Variants in ZMIZ2 observed in about 807,000 individuals in gnomAD.
ZMIZ2 encodes zinc finger MIZ domain-containing protein 2.
A neutral mutation model predicts 93.9 loss-of-function variants in ZMIZ2; 26 were observed. The observed-to-expected ratio is 0.28, with a 90% CI of 0.20 to 0.38. The LOEUF is 0.38. Ranked by LOEUF, ZMIZ2 falls within the 10% of genes least tolerant of loss-of-function variation. The probability of loss-of-function intolerance (pLI) is 1.00; values close to 1 mark genes in which losing one functional copy is unlikely to be tolerated. For synonymous variants in ZMIZ2, 485 were observed against 516.4 expected (o/e 0.94, Z 0.82); for missense variants, 1,023 against 1,235.0 (o/e 0.83, Z 2.57).
Position 44,757,486 on chromosome 7 carries a change from T to TGCCACC in ZMIZ2, c.483_488dup (p.Ala166_Thr167dup), listed in dbSNP as rs1562728888. On this transcript the variant is annotated inframe_insertion, in exon 5 of 19. Coordinates refer to ENST00000309315, the MANE Select transcript of ZMIZ2 (RefSeq NM_031449.4). ...CAGCTGTGGCTGCTGCGGCAGCCACTGCCACCGCCACAGCCACAGCCACCG... is the reference window on the plus strand; with the variant it reads ...CAGCTGTGGCTGCTGCGGCAGCCACTGCCACCGCCACCGCCACAGCCACAGCCACCG... 5.6e-6 allele frequency: 9 copies of TGCCACC among 1,601,210 alleles called. No homozygotes were observed. In the East Asian group the frequency reaches 6.7e-5, roughly 12 times the overall value.
At chr7:44,764,884 G>T in intron 14 of ZMIZ2, 57 bp from the exon 15 acceptor site, 19 of 1,586,448 alleles carry the variant, frequency 1.2e-5, no homozygotes, top group Non-Finnish European at 1.5e-5. Flanking sequence ...GACAGGGCCT[G>T]TGCCCAGGAC....
chr7:44,761,611 C>T lies in ZMIZ2; in HGVS notation c.1385+18C>T, dbSNP rs778931115. ...ATAATGAGGTGAGCTCCGCCTGGCC[C>T]CCACCTGACCCCCACGAGGCTCTGT... On this transcript the variant is annotated intron_variant, in intron 10 of 18. Transcript: ENST00000309315. The surrounding 1 kb of genome is among the most constrained non-coding windows in gnomAD (Gnocchi z 5.8). 3 of 1,613,652 alleles carry T rather than the reference C, an allele frequency of 1.9e-6. No individual in the cohort carries two copies. The highest frequency in any genetic ancestry group is 2.5e-6 in the Non-Finnish European group (3 of 1,179,836).
Position 44,766,885 on chromosome 7 carries a change from G to A in ZMIZ2, c.2655+222G>A, listed in dbSNP as rs1023369287. 3.4e-4 allele frequency among the ~76,000 whole-genome samples: 52 copies of A among 152,264 alleles called. No individual in the cohort carries two copies. Among genetic ancestry groups the A allele is most frequent in the South Asian group, 4.1e-4 (2 of 4,830 alleles). On this transcript the variant is annotated intron_variant, in intron 18 of 18. Coordinates refer to ENST00000309315, the MANE Select transcript of ZMIZ2 (RefSeq NM_031449.4). This position sits in a 1 kb window ranked among gnomAD's most constrained non-coding sequence, Gnocchi z 4.4. ...TTCATGAGGGGCCTGGATGCCGTAC[G>A]GGCGGACGCAGAGTCTCAGAGGAGA...
At chr7:44,759,917 T>G in intron 7 of ZMIZ2, 1 of 553,124 alleles carries the variant, frequency 1.8e-6, no homozygotes, top group Non-Finnish European at 3.2e-6. Context: ...TGGTGCAGCT[T>G]GGGGGAGGAG....
intron 11 of ZMIZ2, 63 bp from the exon 12 acceptor site, chr7:44,762,818 T>G: frequency 7.7e-7 from 1 of 1,305,890 alleles, no homozygotes; most frequent in Non-Finnish European, 1.0e-6. Flanking sequence ...AGCACACCCT[T>G]TACCTGGCCA....
rs1791555884 is a variant in ZMIZ2 at position 44,764,970 on chromosome 7, T to C, written c.1958T>C (p.Val653Ala). The C allele has an allele frequency of 6.2e-7, 1 of 1,614,172 alleles. No individual in the cohort carries two copies. Among genetic ancestry groups the C allele is most frequent in the Non-Finnish European group, 8.5e-7 (1 of 1,180,018 alleles). ...ACAGCTTTGCTGGAGGGCCTGGAGG[T>C]GGACCAGTACATGCTGGGCATCCTG... ...NKTALLEGLE[V>A]DQYMLGILIY... Residue 653 changes from valine to alanine, a missense_variant, in exon 15 of 19, where the codon GTG (valine) becomes GCG (alanine). Around this residue, in one of 3 missense-constraint regions of ZMIZ2, gnomAD observed 319 missense variants for 358.8 expected, o/e 0.89. Coordinates refer to ENST00000309315, the MANE Select transcript of ZMIZ2 (RefSeq NM_031449.4).
At position 44,766,527 on chromosome 7, in the gene ZMIZ2, C is replaced by T; in HGVS notation, c.2519C>T (p.Pro840Leu). ...PPGPQLHHSNPPPASRQSLGQ... is the reference protein window; with the variant it reads ...PPGPQLHHSNLPPASRQSLGQ... Reference sequence around the variant, plus strand: ...GGTCCCCAGCTGCACCATTCAAACCCTCCCCCAGCGTCCCGGCAGTCCTTG... The same window carrying T: ...GGTCCCCAGCTGCACCATTCAAACCTTCCCCCAGCGTCCCGGCAGTCCTTG... Residue 840 changes from proline (P) to leucine (L), a missense_variant, in exon 18 of 19, where the codon CCT becomes CTT. Physicochemically the swap from Pro to Leu is moderately conservative, Grantham distance 98. This residue lies in a region of ZMIZ2 where 319 missense variants were observed against 358.8 expected (regional missense o/e 0.89). Transcript: ENST00000309315. The surrounding 1 kb of genome is among the most constrained non-coding windows in gnomAD (Gnocchi z 4.4). 1 of 1,614,142 alleles carries T rather than the reference C, an allele frequency of 6.2e-7. No homozygotes were observed. The highest frequency in any genetic ancestry group is 1.3e-5 in the African/African-American group (1 of 75,072).
intron 5 of ZMIZ2, 83 bp downstream of exon 5, chr7:44,757,644 G>A (rs1344035090): frequency 1.3e-6 from 2 of 1,491,302 alleles, no homozygotes; most frequent in East Asian, 2.3e-5. Context: ...GTGGGCTCCA[G>A]GGACAAGCAT....
At position 44,765,211 on chromosome 7, in the gene ZMIZ2, C is replaced by G; in HGVS notation, c.1998-124C>G. The G allele has an allele frequency of 1.9e-6, 3 of 1,539,244 alleles. No individual in the cohort carries two copies. The highest frequency in any genetic ancestry group is 1.8e-5 in the Admixed American group (1 of 56,750). On this transcript the variant is annotated intron_variant, in intron 15 of 18. Transcript: ENST00000309315. The surrounding 1 kb of genome is among the most constrained non-coding windows in gnomAD (Gnocchi z 4.1). ...AGCGTCCTGCTCGATGTGGAAGGTG[C>G]TGGGTGGAAGCAAGCATTTGAGTGG...
At chr7:44,751,626 T>C (rs938033093) in intron 1 of ZMIZ2, among the ~76,000 whole-genome samples, 1 of 152,374 alleles carries the variant, frequency 6.6e-6, no homozygotes, top group East Asian at 1.9e-4. Context: ...GACAGAAGGC[T>C]GGTGGTAGCA....
intron 1 of ZMIZ2, among the ~76,000 whole-genome samples, chr7:44,752,254 A>T (rs1790220325): frequency 6.6e-6 from 1 of 151,682 alleles, no homozygotes; most frequent in Admixed American, 6.6e-5. Context: ...CAGCCTCCTG[A>T]GTAGCTGGGA....
In ZMIZ2 at chr7:44,767,822, CG is replaced by C. The variant is rs780734415; in HGVS notation, c.*201del. 4 of 604,748 alleles carry C rather than the reference CG, an allele frequency of 6.6e-6. No individual in the cohort carries two copies. Among genetic ancestry groups the C allele is most frequent in the Non-Finnish European group, 1.2e-5 (4 of 341,344 alleles). The allele number at this position is 604,748 out of a possible 1,614,324, so 37.5% of individuals were successfully genotyped here. A position where few individuals can be genotyped will look rare whatever the true frequency, so the allele number is the denominator to read the frequency against. ...TGCTCGATGGGAGGGGCTCCCAGGCCGGCAGCCCTTGCCACCTCCCTCTGCC... is the reference window on the plus strand; with the variant it reads ...TGCTCGATGGGAGGGGCTCCCAGGCCGCAGCCCTTGCCACCTCCCTCTGCC... On this transcript the variant is annotated 3_prime_UTR_variant, in exon 19 of 19. Coordinates refer to ENST00000309315, the MANE Select transcript of ZMIZ2 (RefSeq NM_031449.4).
At chr7:44,759,255 C>T in intron 6 of ZMIZ2, 26 bp from the exon 7 acceptor site, 2 of 1,470,554 alleles carry the variant, frequency 1.4e-6, no homozygotes, top group East Asian at 5.3e-5. Context: ...TTTTTTCTCC[C>T]CTCGGGCATT....
Position 44,765,542 on chromosome 7 carries a change from C to T in ZMIZ2, c.2205C>T (p.Pro735=). ...CTGCCCCCTTTGCCCCCCTGCAGCC[C>T]CCCTCAGTCCCTGCCCCCAGCGACT... ...PGAAPFAPLQ[P]PSVPAPSDYP... The change falls in exon 16 of 19, where the codon CCC becomes CCT. Residue 735 remains proline (P), a synonymous_variant. Transcript: ENST00000309315. The surrounding 1 kb of genome is among the most constrained non-coding windows in gnomAD (Gnocchi z 4.1). The T allele has an allele frequency of 1.4e-6, 2 of 1,396,696 alleles. No individual in the cohort carries two copies. Among genetic ancestry groups the T allele is most frequent in the Non-Finnish European group, 1.9e-6 (2 of 1,050,158 alleles). The allele number at this position is 1,396,696 out of a possible 1,614,324, so 86.5% of individuals were successfully genotyped here. A position where few individuals can be genotyped will look rare whatever the true frequency, so the allele number is the denominator to read the frequency against.
Position 44,765,722 on chromosome 7 carries a change from G to A in ZMIZ2, c.2242+143G>A, listed in dbSNP as rs1180531843. On this transcript the variant is annotated intron_variant, in intron 16 of 18. Transcript: ENST00000309315. The surrounding 1 kb of genome is among the most constrained non-coding windows in gnomAD (Gnocchi z 4.1). ...AGTGTTGCCACACAAAACATGCCGC[G>A]GGGCACCTCCAGCCCCTCCCATCTC... is the stretch of plus-strand genomic sequence containing the variant. 9 of 1,281,710 alleles carry A rather than the reference G, an allele frequency of 7.0e-6. No individual in the cohort carries two copies. The highest frequency in any genetic ancestry group is 2.5e-5 in the East Asian group (1 of 40,160). 79.4% of individuals were successfully genotyped at this position (1,281,710 alleles called of 1,614,324 possible). A position where few individuals can be genotyped will look rare whatever the true frequency, so the allele number is the denominator to read the frequency against.
rs778182445 is a variant in ZMIZ2 at position 44,765,600 on chromosome 7, T to C, written c.2242+21T>C. ...CCAGGGTAAGTACAGCAGGCTAGCC[T>C]TGAACCTCAGATGACCCTGGGCATA... On this transcript the variant is annotated intron_variant, in intron 16 of 18. Coordinates refer to ENST00000309315, the MANE Select transcript of ZMIZ2 (RefSeq NM_031449.4). The surrounding 1 kb of genome is among the most constrained non-coding windows in gnomAD (Gnocchi z 4.1). The C allele has an allele frequency of 6.7e-7, 1 of 1,489,874 alleles. No homozygotes were observed. 92.3% of individuals were successfully genotyped at this position (1,489,874 alleles called of 1,614,324 possible).
At chr7:44,758,705 G>A (rs1365258712) in intron 6 of ZMIZ2, among the ~76,000 whole-genome samples, 1 of 151,982 alleles carries the variant, frequency 6.6e-6, no homozygotes, top group African/African-American at 2.4e-5. Context: ...GAGGTCAGGA[G>A]TTGAAGACCA....
In ZMIZ2 at chr7:44,761,146, A is replaced by G. The variant is rs1791134381; in HGVS notation, c.1241-303A>G. On this transcript the variant is annotated intron_variant, in intron 9 of 18. Transcript: ENST00000309315. The surrounding 1 kb of genome is among the most constrained non-coding windows in gnomAD (Gnocchi z 5.8). ...CCCAGTCTCTCTGAAAGCACTGGAA[A>G]CACCTTTTGTCTGGGCTGGGGACAT... Among the ~76,000 whole-genome samples, 1 of 152,196 alleles carries G rather than the reference A, an allele frequency of 6.6e-6. No individual in the cohort carries two copies. Among genetic ancestry groups the G allele is most frequent in the African/African-American group, 2.4e-5 (1 of 41,456 alleles).
chr7:44,765,116 G>T lies in ZMIZ2; in HGVS notation c.1997+107G>T. On this transcript the variant is annotated intron_variant, in intron 15 of 18. Coordinates refer to ENST00000309315, the MANE Select transcript of ZMIZ2 (RefSeq NM_031449.4). This position sits in a 1 kb window ranked among gnomAD's most constrained non-coding sequence, Gnocchi z 4.1. Reference sequence around the variant, plus strand: ...AAGTGCAGCCTTCCAGCCTTTTTCCGGCATGGAGCAGGCTGGATTCCAGGC... The same window carrying T: ...AAGTGCAGCCTTCCAGCCTTTTTCCTGCATGGAGCAGGCTGGATTCCAGGC... 1 of 1,510,046 alleles carries T rather than the reference G, an allele frequency of 6.6e-7. No individual in the cohort carries two copies. Among genetic ancestry groups the T allele is most frequent in the Non-Finnish European group, 9.1e-7 (1 of 1,102,216 alleles). 93.5% of individuals were successfully genotyped at this position (1,510,046 alleles called of 1,614,324 possible).
Sources: allele counts gnomAD v4.1 joint callset (sites outside exome capture counted in the v4.1 genomes callset), GRCh38; gene constraint gnomAD v4.1.1; regional missense constraint gnomAD v4.1.1; non-coding constraint Gnocchi (gnomAD v3.1); transcripts MANE v1.5; gene names NCBI Gene and HGNC (gene_info 2026-07-23, HGNC 2026-07-21).